Variants in AMBP observed in about 807,000 individuals in gnomAD.
The protein encoded by AMBP is protein AMBP.
Under a neutral mutation model 46.3 loss-of-function variants are expected in AMBP, and 37 were observed. The observed-to-expected ratio is 0.80, with a 90% CI of 0.61 to 1.05. AMBP has a LOEUF of 1.05. AMBP is among the 50% of genes least tolerant of loss of function. The pLI is 0.00. For missense variants in AMBP, 475 were observed against 461.2 expected (o/e 1.03, Z -0.27); for synonymous variants, 174 against 175.9 (o/e 0.99, Z 0.09).
chr9:114,063,911 G>A (rs571012180), intron 6 of AMBP, among the ~76,000 whole-genome samples: 1 of 152,174 alleles, frequency 6.6e-6, no homozygotes, highest in South Asian at 2.1e-4. Context: ...AATAATAGAA[G>A]AAAACTTTTT....
At chr9:114,067,448 A>G (rs1480888743) in intron 6 of AMBP, among the ~76,000 whole-genome samples, 2 of 151,938 alleles carry the variant, frequency 1.3e-5, no homozygotes, top group Non-Finnish European at 2.9e-5. Context: ...TAGAGATGGA[A>G]TCTCACTATG....
intron 2 of AMBP, among the ~76,000 whole-genome samples, chr9:114,075,255 CA>C (rs1436861006): frequency 6.6e-6 from 1 of 152,194 alleles, no homozygotes; most frequent in Non-Finnish European, 1.5e-5. Flanking sequence ...GATGGAGGGA[CA>C]AAGAAGAAGA....
intron 6 of AMBP, among the ~76,000 whole-genome samples, chr9:114,068,384 G>A (rs1846712897): frequency 6.6e-6 from 1 of 152,036 alleles, no homozygotes; most frequent in Non-Finnish European, 1.5e-5. Context: ...TAGATCTTCT[G>A]AGGTCAGGAG....
intron 5 of AMBP, chr9:114,069,974 C>A (rs1347701266): frequency 3.6e-6 from 2 of 559,840 alleles, no homozygotes; most frequent in Non-Finnish European, 6.4e-6. Context: ...ACCCCACTAG[C>A]ATCATTTTAT....
chr9:114,075,614 TGA>T (rs1393564475), intron 2 of AMBP, among the ~76,000 whole-genome samples: 1 of 152,180 alleles, frequency 6.6e-6, no homozygotes, highest in Non-Finnish European at 1.5e-5. Context: ...CAGGGATACA[TGA>T]GAGAGCAAGA....
chr9:114,072,108 T>G (rs4979336), intron 5 of AMBP, among the ~76,000 whole-genome samples: 39,474 of 152,174 alleles, frequency 0.26, 5,224 homozygotes, highest in East Asian at 0.39. Flanking sequence ...AAACATGCCC[T>G]TTGCTCACCA....
At position 114,069,013 on chromosome 9, in the gene AMBP, C is replaced by T. The variant is rs767554574; in HGVS notation, c.603+686G>A. Among the ~76,000 whole-genome samples the T allele has an allele frequency of 3.2e-4, 49 of 151,550 alleles. 1 individual carries two copies. The highest frequency in any genetic ancestry group is 1.0e-4 in the Non-Finnish European group (7 of 67,920). ...CTTTTGTGGGGGGTTTATAGTTTCG[C>T]AATTTTCAAGAATATTTTTCCAAAT... On this transcript the variant is annotated intron_variant, in intron 6 of 9. Coordinates refer to ENST00000265132, the MANE Select transcript of AMBP (RefSeq NM_001633.4).
At chr9:114,070,766 G>C (rs772148902) in intron 5 of AMBP, among the ~76,000 whole-genome samples, 1 of 152,174 alleles carries the variant, frequency 6.6e-6, no homozygotes, top group Non-Finnish European at 1.5e-5. Flanking sequence ...AGGGCACCAG[G>C]TTCCTGTGCC....
intron 4 of AMBP, 98 bp from the exon 5 acceptor site, chr9:114,073,124 T>C (rs1846763396): frequency 9.5e-7 from 1 of 1,053,004 alleles, no homozygotes; most frequent in African/African-American, 1.6e-5. Flanking sequence ...TTAGGGAAAA[T>C]TTGAAAACTA....
intron 8 of AMBP, 142 bp downstream of exon 8, chr9:114,061,282 A>G (rs1846634729): frequency 6.9e-7 from 1 of 1,444,974 alleles, no homozygotes; most frequent in Non-Finnish European, 9.4e-7. Flanking sequence ...CCAAAGGTGG[A>G]ATTCCTAAGA....
intron 6 of AMBP, among the ~76,000 whole-genome samples, chr9:114,063,924 G>A (rs1588488258): frequency 5.9e-5 from 9 of 152,280 alleles, no homozygotes; most frequent in Admixed American, 5.2e-4. Context: ...AACTTTTTGA[G>A]TTAAAGAAAG....
intron 2 of AMBP, among the ~76,000 whole-genome samples, chr9:114,075,377 C>T (rs894725870): frequency 1.3e-5 from 2 of 152,204 alleles, no homozygotes; most frequent in African/African-American, 4.8e-5. Flanking sequence ...TTCCTACAGT[C>T]ATCCATGTAT....
intron 5 of AMBP, 117 bp downstream of exon 5, chr9:114,072,808 C>A (rs759416451): frequency 5.1e-6 from 4 of 787,694 alleles, no homozygotes; most frequent in South Asian, 1.8e-5. Context: ...GGAGGGGAGG[C>A]TGTGGCGCCT....
intron 6 of AMBP, among the ~76,000 whole-genome samples, chr9:114,066,996 A>G (rs961814547): frequency 6.6e-6 from 1 of 152,158 alleles, no homozygotes; most frequent in Non-Finnish European, 1.5e-5. Context: ...GCTGGAGTGC[A>G]ATGGCGCGAT....
At chr9:114,067,418 A>G (rs907200768) in intron 6 of AMBP, among the ~76,000 whole-genome samples, 3 of 151,942 alleles carry the variant, frequency 2.0e-5, no homozygotes. Context: ...AAACAAACAA[A>G]CAAACAAACA....
chr9:114,063,087 C>A (rs1237037490), intron 6 of AMBP, among the ~76,000 whole-genome samples: 1 of 152,070 alleles, frequency 6.6e-6, no homozygotes, highest in Non-Finnish European at 1.5e-5. Flanking sequence ...AGAGCAGCAC[C>A]CTCACACTAA....
At chr9:114,066,163 G>A (rs1423922102) in intron 6 of AMBP, among the ~76,000 whole-genome samples, 6 of 152,152 alleles carry the variant, frequency 3.9e-5, no homozygotes, top group Non-Finnish European at 5.9e-5. Flanking sequence ...AATGTCAGAG[G>A]TCCCTGTAGT....
In AMBP at chr9:114,063,709, C is replaced by CA. The variant is rs57148056; in HGVS notation, c.604-952dup. Among the ~76,000 whole-genome samples the CA allele has an allele frequency of 0.015, 2,278 of 151,464 alleles. 97 individuals are homozygous for CA. The East Asian group carries it at 0.16, about 11-fold the overall frequency. On this transcript the variant is annotated intron_variant, in intron 6 of 9. Coordinates refer to ENST00000265132, the MANE Select transcript of AMBP (RefSeq NM_001633.4). ...AGATGACATGCATCCAAAAAAACAACAAAAAAAAGATGACATACATCCATA... is the reference window on the plus strand; with the variant it reads ...AGATGACATGCATCCAAAAAAACAACAAAAAAAAAGATGACATACATCCATA...
intron 9 of AMBP, 41 bp downstream of exon 9, chr9:114,060,884 C>T (rs1846628010): frequency 6.3e-7 from 1 of 1,590,462 alleles, no homozygotes; most frequent in Non-Finnish European, 8.6e-7. Flanking sequence ...TCGACTCCAA[C>T]AGCCCCTCGG....
Sources: allele counts gnomAD v4.1 joint callset (sites outside exome capture counted in the v4.1 genomes callset), GRCh38; gene constraint gnomAD v4.1.1; transcripts MANE v1.5; gene names NCBI Gene and HGNC (gene_info 2026-07-23, HGNC 2026-07-21).